The following S100Z variants were observed in gnomAD, a reference collection of about 807,000 sequenced individuals.
S100Z encodes the protein S100 calcium binding protein Z.
In S100Z, 11 loss-of-function variants were observed where a neutral mutation model predicts 8.5. That is an observed-to-expected ratio of 1.30 (90% confidence interval 0.82 to 2.15). The LOEUF (loss-of-function observed/expected upper bound fraction) is 2.15, where lower values mean the gene tolerates loss of function less well. Among genes scored for constraint, S100Z ranks in the 30% most tolerant of loss-of-function variants. The probability of loss-of-function intolerance (pLI) is 0.00; values close to 1 mark genes in which losing one functional copy is unlikely to be tolerated. For synonymous variants in S100Z, 34 were observed against 43.8 expected (o/e 0.78, Z 0.89); for missense variants, 126 against 117.9 (o/e 1.07, Z -0.32).
At chr5:76,932,813 C>G in the S100Z span, among the ~76,000 whole-genome samples, 1 of 152,106 alleles carries the variant, frequency 6.6e-6, no homozygotes, top group African/African-American at 2.4e-5. Context: ...TAAAGCTAGA[C>G]ATTTTTTTCT....
intron 1 of S100Z, among the ~76,000 whole-genome samples, chr5:76,862,456 C>T (rs1288632460): frequency 6.6e-6 from 1 of 152,062 alleles, no homozygotes; most frequent in East Asian, 1.9e-4. Flanking sequence ...CAATTGGAGG[C>T]CTCTGAAGAG....
At chr5:76,905,478 T>A (rs1295507423) in intron 4 of S100Z, among the ~76,000 whole-genome samples, 1 of 152,112 alleles carries the variant, frequency 6.6e-6, no homozygotes, top group Non-Finnish European at 1.5e-5. Flanking sequence ...AGTGGCATGA[T>A]TTCGGTTCAT....
At chr5:76,911,085 A>G (rs1025592752) in intron 4 of S100Z, among the ~76,000 whole-genome samples, 1 of 152,228 alleles carries the variant, frequency 6.6e-6, no homozygotes, top group Non-Finnish European at 1.5e-5. Context: ...TGGGCATTGG[A>G]AGGACAATTT....
intron 1 of S100Z, among the ~76,000 whole-genome samples, chr5:76,862,839 AT>A (rs1278463416): frequency 6.6e-6 from 1 of 152,084 alleles, no homozygotes; most frequent in African/African-American, 2.4e-5. Context: ...CCTGAGGAGC[AT>A]TGCAATAAAG....
At chr5:76,889,424 T>A (rs1743778793) in intron 4 of S100Z, among the ~76,000 whole-genome samples, 1 of 152,258 alleles carries the variant, frequency 6.6e-6, no homozygotes, top group African/African-American at 2.4e-5. Flanking sequence ...AATATACTAC[T>A]CATGCAAGAG....
At chr5:76,859,768 C>CAAAAAAAAAAAAAAA (rs70982653) in intron 1 of S100Z, among the ~76,000 whole-genome samples, 48 of 97,650 alleles carry the variant, frequency 4.9e-4, no homozygotes, top group Non-Finnish European at 6.0e-4. Context: ...GCAACAGAGC[C>CAAAAAAAAAAAAAAA]AAAAAAAAAA....
intron 1 of S100Z, among the ~76,000 whole-genome samples, chr5:76,861,283 A>G (rs2150624408): frequency 6.6e-6 from 1 of 152,172 alleles, no homozygotes; most frequent in South Asian, 2.1e-4. Context: ...TATCCTTACA[A>G]TGTGGCAGCT....
At chr5:76,863,731 G>T (rs1192932355) in intron 1 of S100Z, among the ~76,000 whole-genome samples, 1 of 151,898 alleles carries the variant, frequency 6.6e-6, no homozygotes, top group African/African-American at 2.4e-5. Flanking sequence ...GTAGAGACGG[G>T]GTTTCACCGT....
At chr5:76,925,784 T>C (rs1173769985), downstream of S100Z, among the ~76,000 whole-genome samples, 7 of 152,066 alleles carry the variant, frequency 4.6e-5, no homozygotes, top group Admixed American at 6.5e-5. Flanking sequence ...CTGGCTAACA[T>C]GGTGAAACCC....
At chr5:76,874,631 A>G (rs1743115570) in intron 2 of S100Z, among the ~76,000 whole-genome samples, 1 of 152,146 alleles carries the variant, frequency 6.6e-6, no homozygotes, top group South Asian at 2.1e-4. Context: ...TTATAGTTTA[A>G]TGGTAAACAA....
intron 1 of S100Z, among the ~76,000 whole-genome samples, chr5:76,854,340 T>C (rs954104060): frequency 2.0e-5 from 3 of 152,124 alleles, no homozygotes; most frequent in African/African-American, 7.2e-5. Context: ...TAGAGACTTG[T>C]TGAATGGTAG....
chr5:76,876,622 C>T (rs866750521), intron 3 of S100Z, among the ~76,000 whole-genome samples: 1 of 152,098 alleles, frequency 6.6e-6, no homozygotes, highest in African/African-American at 2.4e-5. Context: ...CTGCCTGCCT[C>T]GGCCTCCCAA....
Position 76,885,825 on chromosome 5 carries a change from C to A in S100Z, c.*2+7991C>A, listed in dbSNP as rs546043067. ...CCCCCAGAAAAGTGGAGAGAAAAGA[C>A]AGTAGAGGCACGGAGAGAAGGGGTG... On this transcript the variant is annotated intron_variant, in intron 4 of 4. Transcript: ENST00000317593. 7.8e-5 allele frequency among the ~76,000 whole-genome samples: 11 copies of A among 141,126 alleles called. No individual in the cohort carries two copies. The South Asian group carries it at 2.6e-3, about 34-fold the overall frequency. The allele number at this position is 141,126 out of a possible 152,430, so 92.6% of individuals were successfully genotyped here.
chr5:76,905,757 T>G (rs1744403738), intron 4 of S100Z, among the ~76,000 whole-genome samples: 1 of 152,172 alleles, frequency 6.6e-6, no homozygotes, highest in African/African-American at 2.4e-5. Flanking sequence ...GGATTGAGGT[T>G]TGTTCTTTTT....
intron 4 of S100Z, among the ~76,000 whole-genome samples, chr5:76,887,893 T>G (rs1743705109): frequency 6.6e-6 from 1 of 152,150 alleles, no homozygotes; most frequent in Non-Finnish European, 1.5e-5. Context: ...GGCAGAACAT[T>G]TAAGAGAAGA....
At chr5:76,888,416 C>T (rs1311564617) in intron 4 of S100Z, among the ~76,000 whole-genome samples, 2 of 99,770 alleles carry the variant, frequency 2.0e-5, no homozygotes, top group African/African-American at 3.9e-5. Flanking sequence ...TGCTCTGTCA[C>T]CTAGGCTGGA....
intron 3 of S100Z, among the ~76,000 whole-genome samples, chr5:76,877,374 C>A (rs1187372622): frequency 6.6e-6 from 1 of 152,154 alleles, no homozygotes; most frequent in Non-Finnish European, 1.5e-5. Context: ...AGTGTCCTGG[C>A]TCTCAACCTG....
At chr5:76,948,102 G>A in the S100Z span, among the ~76,000 whole-genome samples, 2 of 152,220 alleles carry the variant, frequency 1.3e-5, no homozygotes, top group South Asian at 4.1e-4. Context: ...GAGGCAGGTG[G>A]ATCATTTGAG....
chr5:76,942,317 G>T, the S100Z span, among the ~76,000 whole-genome samples: 3 of 151,486 alleles, frequency 2.0e-5, no homozygotes. Flanking sequence ...TCACCATGTT[G>T]GCCAGTCTGG....
Sources: gnomAD v4.1 joint callset for allele counts (sites outside exome capture counted in the v4.1 genomes callset) on GRCh38, gnomAD v4.1.1 for gene constraint, MANE v1.5 for transcripts, NCBI Gene and HGNC (gene_info 2026-07-23, HGNC 2026-07-21) for gene names.